The following SRGAP3 variants were observed in gnomAD, a reference collection of about 807,000 sequenced individuals.
SRGAP3 encodes SLIT-ROBO Rho GTPase-activating protein 3.
In SRGAP3, 39 loss-of-function variants were observed where a neutral mutation model predicts 121.1. The observed-to-expected ratio is 0.32, with a 90% CI of 0.25 to 0.42. The LOEUF is 0.42. SRGAP3 is among the 10% of genes least tolerant of loss of function. The probability of loss-of-function intolerance (pLI) is 1.00; values close to 1 mark genes in which losing one functional copy is unlikely to be tolerated. For missense variants in SRGAP3, 1,213 were observed against 1,470.6 expected (o/e 0.82, Z 2.86); for synonymous variants, 601 against 570.0 (o/e 1.05, Z -0.77).
intron 3 of SRGAP3, among the ~76,000 whole-genome samples, chr3:9,082,649 C>T (rs1483912653): frequency 6.6e-6 from 1 of 152,214 alleles, no homozygotes; most frequent in Admixed American, 6.5e-5. Flanking sequence ...GATCTTGGCT[C>T]CCTGAGCAGC....
chr3:9,202,539 G>C (rs1345408576), intron 1 of SRGAP3, among the ~76,000 whole-genome samples: 1 of 152,188 alleles, frequency 6.6e-6, no homozygotes, highest in Non-Finnish European at 1.5e-5. Flanking sequence ...GCACTCTAAA[G>C]TGAACTCTTG....
intron 1 of SRGAP3, among the ~76,000 whole-genome samples, chr3:9,169,105 G>A (rs1260233579): frequency 6.6e-6 from 1 of 152,118 alleles, no homozygotes; most frequent in African/African-American, 2.4e-5. Flanking sequence ...TGTAACCCTG[G>A]GCAAGTTTCT....
chr3:9,025,223 C>T, intron 14 of SRGAP3, 38 bp downstream of exon 14: 1 of 1,609,656 alleles, frequency 6.2e-7, no homozygotes, highest in Non-Finnish European at 8.5e-7. Flanking sequence ...CCCTGGCTTC[C>T]CCTGGCCACA....
intron 2 of SRGAP3, among the ~76,000 whole-genome samples, chr3:9,329,749 G>A (rs1329053110): frequency 6.6e-6 from 1 of 152,182 alleles, no homozygotes; most frequent in Non-Finnish European, 1.5e-5. Context: ...TTTTCCAGCA[G>A]TCCCATCAGC....
Position 9,043,467 on chromosome 3 carries a change from G to A in SRGAP3, c.1408+3924C>T, listed in dbSNP as rs139553977. Among the ~76,000 whole-genome samples the A allele has an allele frequency of 3.5e-4, 54 of 152,274 alleles. No homozygotes were observed. In the East Asian group the frequency reaches 9.8e-3, roughly 28 times the overall value. ...TCTTGGATAGATGGGTGAACAGAAG[G>A]GGGCAGGTAGAAATCAAAGGTTTTA... is the stretch of plus-strand genomic sequence containing the variant. On this transcript the variant is annotated intron_variant, in intron 10 of 21. Coordinates refer to ENST00000383836, the MANE Select transcript of SRGAP3 (RefSeq NM_014850.4).
chr3:9,064,385 C>A lies in SRGAP3; in HGVS notation c.672+11G>T, dbSNP rs1439800598. ...GTCCCCAATCGCTCCCAGCCCAGGG[C>A]CCCCACTCACCTTCTCCTTCATCTT... On this transcript the variant is annotated intron_variant, in intron 5 of 21. Coordinates refer to ENST00000383836, the MANE Select transcript of SRGAP3 (RefSeq NM_014850.4). The A allele has an allele frequency of 1.2e-6, 2 of 1,614,194 alleles. No individual in the cohort carries two copies. The highest frequency in any genetic ancestry group is 1.1e-5 in the South Asian group (1 of 91,070).
At chr3:9,183,120 G>A (rs138950750) in intron 1 of SRGAP3, among the ~76,000 whole-genome samples, 25 of 152,322 alleles carry the variant, frequency 1.6e-4, no homozygotes, top group African/African-American at 6.0e-4. Context: ...AGAGGAAAGA[G>A]CCATCAACTG....
At chr3:9,163,314 G>A (rs1177498952) in intron 1 of SRGAP3, among the ~76,000 whole-genome samples, 4 of 152,170 alleles carry the variant, frequency 2.6e-5, no homozygotes, top group African/African-American at 9.7e-5. Flanking sequence ...GCAGGGCCTG[G>A]GGCCTCCTCC....
intron 1 of SRGAP3, chr3:9,219,357 G>C (rs914325657): frequency 2.6e-5 from 4 of 152,104 alleles, no homozygotes; most frequent in Non-Finnish European, 4.4e-5. Context: ...TCTGCATCAG[G>C]TGAGAGTTAG....
At chr3:9,259,539 G>A (rs1036219478) in intron 3 of SRGAP3, among the ~76,000 whole-genome samples, 3 of 152,114 alleles carry the variant, frequency 2.0e-5, no homozygotes, top group East Asian at 1.9e-4. Flanking sequence ...AAAGACCTGG[G>A]CTCAAAGGAT....
intron 1 of SRGAP3, among the ~76,000 whole-genome samples, chr3:9,335,952 G>C (rs1313892314): frequency 6.6e-6 from 1 of 151,990 alleles, no homozygotes; most frequent in East Asian, 1.9e-4. Flanking sequence ...GACTTCACTT[G>C]GACCTTGAAA....
intron 1 of SRGAP3, among the ~76,000 whole-genome samples, chr3:9,247,900 C>T (rs114875054): frequency 2.6e-3 from 390 of 152,370 alleles, no homozygotes; most frequent in African/African-American, 9.1e-3. Flanking sequence ...TTTAGATTTT[C>T]CTTGCCAAAG....
intron 11 of SRGAP3, chr3:9,036,510 C>T (rs1204277197): frequency 6.6e-6 from 1 of 152,156 alleles, no homozygotes; most frequent in African/African-American, 2.4e-5. Flanking sequence ...TTCCCAGGCC[C>T]TAGGTCAAGG....
intron 1 of SRGAP3, among the ~76,000 whole-genome samples, chr3:9,188,884 G>A (rs1951675720): frequency 6.6e-6 from 1 of 152,108 alleles, no homozygotes; most frequent in South Asian, 2.1e-4. Flanking sequence ...CTCCACATTG[G>A]GAATTCTCTT....
In SRGAP3 at chr3:9,051,710, C is replaced by CTTTT. The variant is rs36044423; in HGVS notation, c.1323+1313_1323+1316dup. 1.0e-3 allele frequency among the ~76,000 whole-genome samples: 103 copies of CTTTT among 103,086 alleles called. 1 individual carries two copies. Among genetic ancestry groups the CTTTT allele is most frequent in the Non-Finnish European group, 1.3e-3 (69 of 53,816 alleles). 67.6% of individuals were successfully genotyped at this position (103,086 alleles called of 152,430 possible). A position where few individuals can be genotyped will look rare whatever the true frequency, so the allele number is the denominator to read the frequency against. ...GAAGGGGTGAAAATTTTGCTCAATT[C>CTTTT]TTTTTTTTTTTTTTTTTTTTTGAGA... On this transcript the variant is annotated intron_variant, in intron 9 of 21. Coordinates refer to ENST00000383836, the MANE Select transcript of SRGAP3 (RefSeq NM_014850.4).
chr3:9,320,241 C>T (rs989897658), intron 3 of SRGAP3, among the ~76,000 whole-genome samples: 2 of 151,876 alleles, frequency 1.3e-5, no homozygotes, highest in Non-Finnish European at 2.9e-5. Context: ...ATAAAGCCAA[C>T]AGAGAAGGAA....
At chr3:9,238,052 GGT>G (rs993247520) in intron 1 of SRGAP3, among the ~76,000 whole-genome samples, 9 of 152,128 alleles carry the variant, frequency 5.9e-5, no homozygotes, top group African/African-American at 2.2e-4. Context: ...GCATCTAGTG[GGT>G]ACAGGTCAGG....
At chr3:9,056,382 C>T in intron 7 of SRGAP3, 48 bp from the exon 8 acceptor site, 1 of 1,588,810 alleles carries the variant, frequency 6.3e-7, no homozygotes, top group Non-Finnish European at 8.6e-7. Flanking sequence ...GCCCTCCTCA[C>T]CTGTGTGGAG....
chr3:9,144,423 C>T (rs1431509829), intron 1 of SRGAP3, among the ~76,000 whole-genome samples: 3 of 152,358 alleles, frequency 2.0e-5, no homozygotes, highest in African/African-American at 7.2e-5. Context: ...ATGCCCTTCT[C>T]CTCTCCACCT....
Sources: allele counts gnomAD v4.1 joint callset (sites outside exome capture counted in the v4.1 genomes callset), GRCh38; gene constraint gnomAD v4.1.1; transcripts MANE v1.5; gene names NCBI Gene and HGNC (gene_info 2026-07-23, HGNC 2026-07-21).